DLGAP1: variants seen among roughly 807,000 people sequenced by gnomAD.
DLGAP1 encodes DLG associated protein 1, also known as disks large-associated protein 1.
Under a neutral mutation model 90.8 loss-of-function variants are expected in DLGAP1, and 11 were observed. The observed-to-expected ratio is 0.12, with a 90% CI of 0.08 to 0.20. The LOEUF is 0.20. Ranked by LOEUF, DLGAP1 falls within the 10% of genes least tolerant of loss-of-function variation. The pLI, the probability that DLGAP1 is intolerant of heterozygous loss-of-function variation, is 1.00. For missense variants in DLGAP1, 1,050 were observed against 1,333.8 expected (o/e 0.79, Z 3.31); for synonymous variants, 558 against 540.7 (o/e 1.03, Z -0.44).
chr18:4,279,050 G>A (rs1341619483), intron 1 of DLGAP1, among the ~76,000 whole-genome samples: 1 of 152,214 alleles, frequency 6.6e-6, no homozygotes. Context: ...CAAAAATCAT[G>A]CTGGAAGCAG....
chr18:4,183,987 G>A (rs990543146), intron 1 of DLGAP1, among the ~76,000 whole-genome samples: 73 of 152,142 alleles, frequency 4.8e-4, no homozygotes, highest in African/African-American at 1.6e-3. Context: ...ACGCAGGAAA[G>A]TTAATAATAT....
chr18:4,185,127 A>C (rs1420700207), intron 1 of DLGAP1, among the ~76,000 whole-genome samples: 1 of 152,108 alleles, frequency 6.6e-6, no homozygotes, highest in Non-Finnish European at 1.5e-5. Flanking sequence ...ATATTTAGTA[A>C]ATTTGCAAAA....
chr18:3,989,437 G>T (rs547362513), intron 3 of DLGAP1, among the ~76,000 whole-genome samples: 2 of 152,268 alleles, frequency 1.3e-5, no homozygotes, highest in Non-Finnish European at 2.9e-5. Context: ...GTCCACTGAG[G>T]TGTCCACACT....
At chr18:3,573,857 C>T (rs144692205) in intron 8 of DLGAP1, among the ~76,000 whole-genome samples, 4 of 152,214 alleles carry the variant, frequency 2.6e-5, no homozygotes, top group East Asian at 3.9e-4. Flanking sequence ...TGTGCCAGCA[C>T]GCACGACTAA....
chr18:3,773,587 T>G (rs1236181412), intron 5 of DLGAP1, among the ~76,000 whole-genome samples: 1 of 152,216 alleles, frequency 6.6e-6, no homozygotes, highest in Non-Finnish European at 1.5e-5. Flanking sequence ...GATCCCCTAG[T>G]GCTGAAAACA....
In DLGAP1 at chr18:4,123,765, T is replaced by C. The variant is rs142869629; in HGVS notation, c.-159+27415A>G. On this transcript the variant is annotated intron_variant, in intron 2 of 12. Coordinates refer to ENST00000315677, the MANE Select transcript of DLGAP1 (RefSeq NM_004746.4). The stretch of plus-strand genomic sequence containing the variant: ...AGGGTCTTAATCTACACTCAACTTC[T>C]CAGGGACTTTGGGCAAAACAGAATA... 3.3e-3 allele frequency among the ~76,000 whole-genome samples: 502 copies of C among 152,306 alleles called. 3 individuals carry two copies. The highest frequency in any genetic ancestry group is 0.011 in the African/African-American group (470 of 41,578).
At chr18:3,765,223 C>T (rs570557332) in intron 5 of DLGAP1, among the ~76,000 whole-genome samples, 9 of 148,604 alleles carry the variant, frequency 6.1e-5, no homozygotes, top group South Asian at 2.2e-4. Context: ...CTTTGCCTCC[C>T]GGGTTCACAC....
chr18:3,987,943 A>G (rs1334808662), intron 3 of DLGAP1, among the ~76,000 whole-genome samples: 1 of 152,092 alleles, frequency 6.6e-6, no homozygotes, highest in Non-Finnish European at 1.5e-5. Context: ...CAATTTTTCT[A>G]TGGACCAGGG....
At chr18:3,598,058 A>AT (rs2056683022) in intron 7 of DLGAP1, 1 of 152,388 alleles carries the variant, frequency 6.6e-6, no homozygotes, top group East Asian at 1.9e-4. Flanking sequence ...GCTTAAAAAA[A>AT]TTATGCCTTG....
intron 7 of DLGAP1, among the ~76,000 whole-genome samples, chr18:3,610,607 G>C (rs1234890844): frequency 1.3e-5 from 2 of 152,068 alleles, no homozygotes; most frequent in African/African-American, 4.8e-5. Flanking sequence ...GGACAAGGTG[G>C]GCAGATCCCT....
intron 1 of DLGAP1, among the ~76,000 whole-genome samples, chr18:4,205,071 C>G (rs1218005448): frequency 6.6e-6 from 1 of 152,112 alleles, no homozygotes; most frequent in Admixed American, 6.5e-5. Context: ...GGAGTACTTT[C>G]AGTGCTTCAG....
At chr18:3,744,793 A>G (rs2063200747) in intron 5 of DLGAP1, among the ~76,000 whole-genome samples, 1 of 152,110 alleles carries the variant, frequency 6.6e-6, no homozygotes, top group African/African-American at 2.4e-5. Context: ...TGATCTGCCC[A>G]CCTTGGCCTC....
At chr18:3,933,449 C>T (rs2072563100) in intron 3 of DLGAP1, among the ~76,000 whole-genome samples, 1 of 152,200 alleles carries the variant, frequency 6.6e-6, no homozygotes, top group Non-Finnish European at 1.5e-5. Flanking sequence ...TTTTTCATAA[C>T]CTCTTTGGTA....
chr18:4,397,517 C>G (rs2144496578), intron 1 of DLGAP1, among the ~76,000 whole-genome samples: 1 of 152,294 alleles, frequency 6.6e-6, no homozygotes, highest in South Asian at 2.1e-4. Context: ...TATCAGCATG[C>G]ATTTGTATAT....
At chr18:4,166,591 A>G (rs2076936961) in intron 1 of DLGAP1, among the ~76,000 whole-genome samples, 1 of 152,242 alleles carries the variant, frequency 6.6e-6, no homozygotes, top group Non-Finnish European at 1.5e-5. Context: ...TTAAACAGAT[A>G]TTTGTATACT....
intron 6 of DLGAP1, among the ~76,000 whole-genome samples, chr18:3,732,997 A>C (rs2062500654): frequency 6.6e-6 from 1 of 152,146 alleles, no homozygotes; most frequent in South Asian, 2.1e-4. Flanking sequence ...TCTTTATTCC[A>C]TACTAAGAAT....
rs532206401 is a variant in DLGAP1 at position 4,343,116 on chromosome 18, T to G, written c.-267+111890A>C. Among the ~76,000 whole-genome samples, 735 of 151,728 alleles carry G rather than the reference T, an allele frequency of 4.8e-3. 3 individuals carry two copies. The highest frequency in any genetic ancestry group is 7.4e-3 in the Non-Finnish European group (504 of 67,882). ...AGGTCAGGAGGTCGAGACCATCCTG[T>G]CTAACATGGTGAAACTCCGTCTCTA... On this transcript the variant is annotated intron_variant, in intron 1 of 12. Coordinates refer to ENST00000315677, the MANE Select transcript of DLGAP1 (RefSeq NM_004746.4).
At chr18:4,303,690 C>A (rs896998153) in intron 1 of DLGAP1, among the ~76,000 whole-genome samples, 1 of 152,204 alleles carries the variant, frequency 6.6e-6, no homozygotes, top group African/African-American at 2.4e-5. Flanking sequence ...TGGTGTGGCA[C>A]CCACTTCATT....
chr18:4,242,852 G>T (rs756488185), intron 1 of DLGAP1, among the ~76,000 whole-genome samples: 1 of 152,078 alleles, frequency 6.6e-6, no homozygotes, highest in African/African-American at 2.4e-5. Flanking sequence ...CTCACAATGA[G>T]GGCAATTACA....
Sources: gnomAD v4.1 joint callset for allele counts (sites outside exome capture counted in the v4.1 genomes callset) on GRCh38, gnomAD v4.1.1 for gene constraint, MANE v1.5 for transcripts, NCBI Gene and HGNC (gene_info 2026-07-23, HGNC 2026-07-21) for gene names.